TBC1D5: variants seen among roughly 807,000 people sequenced by gnomAD.
The protein encoded by TBC1D5 is TBC1 domain family, member 5.
TBC1D5 carries 75 observed loss-of-function variants against 100.3 expected under a neutral mutation model. The ratio of observed to expected loss-of-function variants is 0.75; its 90% CI spans 0.62 to 0.91. TBC1D5 has a LOEUF of 0.91. Ranked by LOEUF, TBC1D5 falls within the 40% of genes least tolerant of loss-of-function variation. TBC1D5 has a pLI of 0.00. For synonymous variants in TBC1D5, 323 were observed against 325.6 expected (o/e 0.99, Z 0.09); for missense variants, 910 against 942.4 (o/e 0.97, Z 0.45).
At chr3:17,345,299 G>C (rs939312220) in intron 13 of TBC1D5, among the ~76,000 whole-genome samples, 2 of 152,206 alleles carry the variant, frequency 1.3e-5, no homozygotes, top group African/African-American at 4.8e-5. Flanking sequence ...CATTTATGCA[G>C]CCAAAAGACA....
At chr3:17,690,682 C>T (rs2071018672) in intron 1 of TBC1D5, among the ~76,000 whole-genome samples, 1 of 152,120 alleles carries the variant, frequency 6.6e-6, no homozygotes, top group African/African-American at 2.4e-5. Flanking sequence ...GACTGCTAAC[C>T]CTTTTGTGAA....
chr3:17,607,594 C>T (rs544616288), intron 2 of TBC1D5, among the ~76,000 whole-genome samples: 1 of 151,968 alleles, frequency 6.6e-6, no homozygotes, highest in South Asian at 2.1e-4. Context: ...ATAATGGGCC[C>T]TTTTAGTCCC....
intron 3 of TBC1D5, among the ~76,000 whole-genome samples, chr3:17,486,038 C>G (rs2095562264): frequency 6.6e-6 from 1 of 151,924 alleles, no homozygotes; most frequent in Non-Finnish European, 1.5e-5. Context: ...GCCATTCTAA[C>G]TGGTGTGAGA....
intron 2 of TBC1D5, among the ~76,000 whole-genome samples, chr3:17,564,574 A>G (rs367921981): frequency 1.3e-5 from 2 of 152,312 alleles, no homozygotes; most frequent in South Asian, 2.1e-4. Flanking sequence ...TGATTCTTGA[A>G]GAAAGAAGGA....
exon 22 of TBC1D5, chr3:17,157,449 G>C (rs1056923209): frequency 2.0e-5 from 3 of 152,268 alleles, no homozygotes; most frequent in Non-Finnish European, 4.4e-5. Flanking sequence ...GTAACACTGA[G>C]AAAGCAGTCT....
At chr3:17,200,016 C>T (rs76070719) in intron 18 of TBC1D5, among the ~76,000 whole-genome samples, 1 of 152,028 alleles carries the variant, frequency 6.6e-6, no homozygotes, top group African/African-American at 2.4e-5. Context: ...AACTGATGAG[C>T]TAGAGAGGGG....
intron 4 of TBC1D5, among the ~76,000 whole-genome samples, chr3:17,415,306 C>T (rs988724821): frequency 3.3e-5 from 5 of 151,868 alleles, no homozygotes; most frequent in African/African-American, 9.7e-5. Context: ...TACAGGCACC[C>T]ACCACCACGC....
chr3:17,527,654 TG>T (rs777019593), intron 2 of TBC1D5, among the ~76,000 whole-genome samples: 2 of 152,084 alleles, frequency 1.3e-5, no homozygotes, highest in African/African-American at 2.4e-5. Flanking sequence ...TATTAGACTA[TG>T]GTATATGAGA....
chr3:17,377,502 G>T lies in TBC1D5; in HGVS notation c.613-889C>A, dbSNP rs538956585. Reference sequence around the variant, plus strand: ...TATAATCTTTCCTGTCTCTTAAAGTGAGCAAATTACTACTTTCCTTTTGCT... The same window carrying T: ...TATAATCTTTCCTGTCTCTTAAAGTTAGCAAATTACTACTTTCCTTTTGCT... On this transcript the variant is annotated intron_variant, in intron 9 of 21. Coordinates refer to ENST00000253692, the Ensembl canonical transcript of TBC1D5. Among the ~76,000 whole-genome samples the T allele has an allele frequency of 2.6e-4, 39 of 152,114 alleles. No homozygotes were observed. In the South Asian group the frequency reaches 7.7e-3, roughly 30 times the overall value.
intron 18 of TBC1D5, among the ~76,000 whole-genome samples, chr3:17,199,000 C>T (rs1048602618): frequency 6.6e-5 from 10 of 152,162 alleles, no homozygotes; most frequent in Non-Finnish European, 1.5e-4. Flanking sequence ...TTGCATTTTC[C>T]GCTACATGTA....
intron 11 of TBC1D5, 35 bp downstream of exon 11, chr3:17,374,594 T>TA: frequency 6.2e-7 from 1 of 1,609,532 alleles, no homozygotes; most frequent in East Asian, 2.2e-5. Flanking sequence ...AATGATGGTA[T>TA]AAAAAAATAA....
chr3:17,553,155 T>C (rs959430213), intron 2 of TBC1D5, among the ~76,000 whole-genome samples: 2 of 152,154 alleles, frequency 1.3e-5, no homozygotes, highest in Non-Finnish European at 2.9e-5. Context: ...AGAGAGGGAA[T>C]GGTGTCATGT....
chr3:17,268,184 A>G (rs2149606003), intron 15 of TBC1D5, among the ~76,000 whole-genome samples: 1 of 152,194 alleles, frequency 6.6e-6, no homozygotes, highest in South Asian at 2.1e-4. Flanking sequence ...AAAAAAGAAC[A>G]CTAATCTTAG....
At chr3:17,364,476 A>G (rs963816318) in intron 13 of TBC1D5, among the ~76,000 whole-genome samples, 2 of 152,220 alleles carry the variant, frequency 1.3e-5, no homozygotes, top group Non-Finnish European at 2.9e-5. Context: ...GAAAAACTGA[A>G]TGTTTTATGA....
chr3:17,684,528 C>T (rs562594491), intron 1 of TBC1D5, among the ~76,000 whole-genome samples: 2 of 152,066 alleles, frequency 1.3e-5, no homozygotes, highest in East Asian at 1.9e-4. Context: ...TGGCACTCAC[C>T]CGAATGACTA....
chr3:17,515,402 T>C (rs2095971766), intron 2 of TBC1D5, among the ~76,000 whole-genome samples: 1 of 152,172 alleles, frequency 6.6e-6, no homozygotes, highest in Non-Finnish European at 1.5e-5. Flanking sequence ...AATTAAATAA[T>C]AACAACAGCA....
At chr3:17,567,654 C>G (rs992474306) in intron 2 of TBC1D5, among the ~76,000 whole-genome samples, 2 of 151,662 alleles carry the variant, frequency 1.3e-5, no homozygotes, top group African/African-American at 4.8e-5. Context: ...TGTTAAGCAG[C>G]AGTACCTTAC....
intron 2 of TBC1D5, among the ~76,000 whole-genome samples, chr3:17,567,156 T>C (rs2096598645): frequency 6.6e-6 from 1 of 151,790 alleles, no homozygotes. Flanking sequence ...TAAAGATGCC[T>C]CAAGTAAATC....
chr3:17,522,071 C>A (rs1480135508), intron 2 of TBC1D5, among the ~76,000 whole-genome samples: 4 of 151,462 alleles, frequency 2.6e-5, no homozygotes, highest in African/African-American at 9.7e-5. Context: ...TCCAATTTCC[C>A]AAACATAACA....
Sources: gnomAD v4.1 joint callset for allele counts (sites outside exome capture counted in the v4.1 genomes callset) on GRCh38, gnomAD v4.1.1 for gene constraint, MANE v1.5 for transcripts, NCBI Gene and HGNC (gene_info 2026-07-23, HGNC 2026-07-21) for gene names.